FOXP1: variants seen among roughly 807,000 people sequenced by gnomAD.
FOXP1 encodes forkhead box protein P1.
FOXP1 carries 15 observed loss-of-function variants against 98.2 expected under a neutral mutation model. The observed-to-expected ratio is 0.15, with a 90% confidence interval of 0.10 to 0.24. The LOEUF (loss-of-function observed/expected upper bound fraction) is 0.24. Ranked by LOEUF, FOXP1 falls within the 10% of genes least tolerant of loss-of-function variation. FOXP1 has a pLI of 1.00. For missense variants in FOXP1, 633 were observed against 848.5 expected (o/e 0.75, Z 3.15); for synonymous variants, 371 against 314.5 (o/e 1.18, Z -1.90).
chr3:71,270,576 G>A (rs552744171), intron 5 of FOXP1, among the ~76,000 whole-genome samples: 1 of 152,308 alleles, frequency 6.6e-6, no homozygotes, highest in African/African-American at 2.4e-5. Context: ...TTATGCAAAG[G>A]ATTTATGCTT....
At chr3:71,467,611 G>A (rs937132984) in intron 3 of FOXP1, among the ~76,000 whole-genome samples, 54 of 152,134 alleles carry the variant, frequency 3.5e-4, no homozygotes, top group Admixed American at 3.3e-3. Context: ...GGTAGCCTGT[G>A]GCTAAAAAAA....
chr3:71,058,721 A>T (rs547945982), intron 7 of FOXP1, among the ~76,000 whole-genome samples: 1 of 152,236 alleles, frequency 6.6e-6, no homozygotes, highest in Admixed American at 6.5e-5. Flanking sequence ...TTTCATAATT[A>T]ACAAGTCAAT....
At chr3:71,197,743 T>G (rs1290249064) in intron 6 of FOXP1, 1 of 834,200 alleles carries the variant, frequency 1.2e-6, no homozygotes, top group Non-Finnish European at 1.9e-6. Context: ...TCCGCCTGTC[T>G]TTCTATGTAT....
intron 6 of FOXP1, among the ~76,000 whole-genome samples, chr3:71,131,678 T>C (rs1054420669): frequency 3.9e-5 from 6 of 152,204 alleles, no homozygotes; most frequent in South Asian, 2.1e-4. Context: ...GGCAGCTTGA[T>C]AGACATTCAA....
chr3:71,474,216 T>C (rs1179693479), intron 3 of FOXP1, among the ~76,000 whole-genome samples: 3 of 152,102 alleles, frequency 2.0e-5, no homozygotes, highest in African/African-American at 4.8e-5. Context: ...CATAGTATAA[T>C]TGATCATGAA....
chr3:71,267,118 G>GGAGA (rs112093872), intron 5 of FOXP1, among the ~76,000 whole-genome samples: 14,868 of 143,312 alleles, frequency 0.1, 805 homozygotes, highest in East Asian at 0.31. Flanking sequence ...GCATTTTATG[G>GGAGA]GAGAGAGTGT....
In FOXP1 at chr3:71,064,000, G is replaced by C. The variant is rs527754778; in HGVS notation, c.283-10227C>G. On this transcript the variant is annotated intron_variant, in intron 7 of 20. Transcript: ENST00000649528. ...TCCTTCATGCAGTTCTGACAGTTGA[G>C]TTAGCTACATTCAGAGCCGGTTCAG... is the stretch of plus-strand genomic sequence containing the variant. Among the ~76,000 whole-genome samples, 5 of 152,306 alleles carry C rather than the reference G, an allele frequency of 3.3e-5. No homozygotes were observed. In the South Asian group the frequency reaches 1.0e-3, roughly 32 times the overall value.
intron 3 of FOXP1, among the ~76,000 whole-genome samples, chr3:71,360,284 G>C (rs181094449): frequency 1.3e-4 from 20 of 152,288 alleles, no homozygotes; most frequent in African/African-American, 4.3e-4. Flanking sequence ...CGCCCTACTA[G>C]CGAAACATAC....
intron 3 of FOXP1, among the ~76,000 whole-genome samples, chr3:71,396,918 GTATA>G (rs1157468185): frequency 3.5e-5 from 2 of 56,696 alleles, no homozygotes; most frequent in Non-Finnish European, 8.2e-5. Context: ...ATATATGTGT[GTATA>G]TATATATATA....
chr3:71,125,136 C>T (rs2059069314), intron 6 of FOXP1, among the ~76,000 whole-genome samples: 1 of 152,292 alleles, frequency 6.6e-6, no homozygotes, highest in South Asian at 2.1e-4. Context: ...GAATGGCTGC[C>T]TAAGAGGCCA....
intron 3 of FOXP1, among the ~76,000 whole-genome samples, chr3:71,403,239 G>A (rs1356448361): frequency 6.6e-6 from 1 of 152,210 alleles, no homozygotes; most frequent in Non-Finnish European, 1.5e-5. Flanking sequence ...CTGATGTAGT[G>A]AAGAACACAA....
In FOXP1 at chr3:71,470,093, C is replaced by A. The variant is rs562492584; in HGVS notation, c.-168+23333G>T. 1.6e-4 allele frequency among the ~76,000 whole-genome samples: 24 copies of A among 151,812 alleles called. No homozygotes were observed. In the South Asian group the frequency reaches 4.8e-3, roughly 30 times the overall value. On this transcript the variant is annotated intron_variant, in intron 3 of 20. Coordinates refer to ENST00000649528, the MANE Select transcript of FOXP1 (RefSeq NM_001349338.3). ...ATAAAATTAATAAAAATAAAATATTCATAAAACATAAAAAAGGAATTTTGA... is the reference window on the plus strand; with the variant it reads ...ATAAAATTAATAAAAATAAAATATTAATAAAACATAAAAAAGGAATTTTGA...
intron 5 of FOXP1, among the ~76,000 whole-genome samples, chr3:71,287,879 C>T (rs1355902557): frequency 6.6e-6 from 1 of 151,540 alleles, no homozygotes; most frequent in Non-Finnish European, 1.5e-5. Flanking sequence ...ACTACTTCTT[C>T]TTCATATATA....
At chr3:71,460,405 A>G (rs2087953647) in intron 3 of FOXP1, among the ~76,000 whole-genome samples, 1 of 150,964 alleles carries the variant, frequency 6.6e-6, no homozygotes. Flanking sequence ...ATGCCCCGCT[A>G]ATTTTTGATT....
In FOXP1 at chr3:70,977,940, G is replaced by A. The variant is rs376833445; in HGVS notation, c.1236C>T (p.Ala412=). ...SLPHTPTTPT[A]PLTPVTQGPS... The stretch of plus-strand genomic sequence containing the variant: ...GGCCTTGGGTGACGGGAGTCAGGGG[G>A]GCGGTTGGGGTCGTTGGAGTATGAG... Residue 412 remains alanine, a synonymous_variant, in exon 15 of 21, where the codon GCC becomes GCT. Coordinates refer to ENST00000649528, the MANE Select transcript of FOXP1 (RefSeq NM_001349338.3). The A allele has an allele frequency of 4.3e-6, 7 of 1,614,194 alleles. No individual in the cohort carries two copies. Among genetic ancestry groups the A allele is most frequent in the Non-Finnish European group, 5.9e-6 (7 of 1,180,038 alleles).
intron 3 of FOXP1, among the ~76,000 whole-genome samples, chr3:71,471,884 G>T (rs774394572): frequency 2.0e-5 from 3 of 152,108 alleles, no homozygotes; most frequent in Non-Finnish European, 2.9e-5. Context: ...GACCAAGAAA[G>T]ACCCGGCAGC....
At chr3:71,256,502 G>C (rs1317144607) in intron 5 of FOXP1, among the ~76,000 whole-genome samples, 1 of 152,146 alleles carries the variant, frequency 6.6e-6, no homozygotes, top group Non-Finnish European at 1.5e-5. Context: ...TCCTGCCGCA[G>C]CCTCCCGAGT....
At chr3:71,114,296 C>T (rs1186426716) in intron 6 of FOXP1, among the ~76,000 whole-genome samples, 1 of 152,050 alleles carries the variant, frequency 6.6e-6, no homozygotes, top group Non-Finnish European at 1.5e-5. Flanking sequence ...GGTAAGGGGG[C>T]CTGCGTGTCC....
intron 2 of FOXP1, among the ~76,000 whole-genome samples, chr3:71,504,014 A>G (rs2041618397): frequency 6.6e-6 from 1 of 152,232 alleles, no homozygotes; most frequent in Non-Finnish European, 1.5e-5. Context: ...TACACATCAC[A>G]AATTCCCAGG....
Sources: gnomAD v4.1 joint callset for allele counts (sites outside exome capture counted in the v4.1 genomes callset) on GRCh38, gnomAD v4.1.1 for gene constraint, MANE v1.5 for transcripts, NCBI Gene and HGNC (gene_info 2026-07-23, HGNC 2026-07-21) for gene names.